The following NUSAP1 variants were observed in gnomAD, a reference collection of about 807,000 sequenced individuals.
NUSAP1 encodes nucleolar and spindle associated protein 1.
Under a neutral mutation model 52.8 loss-of-function variants are expected in NUSAP1, and 32 were observed. That is an observed-to-expected ratio of 0.61 (90% CI 0.46 to 0.81). The LOEUF is 0.81. Among genes scored for constraint, NUSAP1 ranks in the 40% least tolerant of loss-of-function variants. The probability of loss-of-function intolerance (pLI) is 0.00; values close to 1 mark genes in which losing one functional copy is unlikely to be tolerated. For missense variants in NUSAP1, 499 were observed against 522.3 expected, an observed-to-expected ratio of 0.96 and a Z score of 0.43; for synonymous variants, 195 against 183.1, an observed-to-expected ratio of 1.06 and a Z score of -0.52.
chr15:41,360,301 G>A (rs966959976), intron 6 of NUSAP1, among the ~76,000 whole-genome samples: 1 of 143,518 alleles, frequency 7.0e-6, no homozygotes. Flanking sequence ...ACCACACCCG[G>A]CTAATTTTTG....
At chr15:41,350,851 C>A (rs968410197) in intron 3 of NUSAP1, 137 bp from the exon 4 acceptor site, 30 of 705,834 alleles carry the variant, frequency 4.3e-5, no homozygotes, top group Admixed American at 1.5e-4. Flanking sequence ...GGCAGAGAAC[C>A]AAATCTGCCA....
chr15:41,375,902 C>A, intron 9 of NUSAP1, 74 bp downstream of exon 9: 3 of 1,001,410 alleles, frequency 3.0e-6, no homozygotes, highest in Non-Finnish European at 4.7e-6. Context: ...CTCACACCTA[C>A]TAAACATACA....
At chr15:41,354,691 GTTTAA>G (rs879920656) in intron 4 of NUSAP1, among the ~76,000 whole-genome samples, 6 of 137,602 alleles carry the variant, frequency 4.4e-5, no homozygotes, top group African/African-American at 1.7e-4. Context: ...ATATATATAT[GTTTAA>G]TTTATATTAA....
intron 6 of NUSAP1, among the ~76,000 whole-genome samples, chr15:41,358,703 C>T (rs2049060425): frequency 6.6e-6 from 1 of 152,154 alleles, no homozygotes; most frequent in Admixed American, 6.5e-5. Flanking sequence ...CACTGCACTC[C>T]AGCCTGGGTG....
At chr15:41,371,388 A>G in intron 7 of NUSAP1, 139 bp from the exon 8 acceptor site, 2 of 597,336 alleles carry the variant, frequency 3.3e-6, no homozygotes, top group South Asian at 6.3e-5. Context: ...CTCTTCTGCA[A>G]AAGAGGTTCG....
chr15:41,380,181 G>T lies in NUSAP1; in HGVS notation c.1321G>T (p.Asp441Tyr), dbSNP rs905229067. 4.5e-6 allele frequency: 7 copies of T among 1,564,500 alleles called. No individual in the cohort carries two copies. The African/African-American group carries it at 9.5e-5, about 21-fold the overall frequency. The part of the protein sequence containing the change: ...GMRRGLILAE[D>Y] ...GCGAAGGGGCCTCATTTTGGCTGAA[G>T]ATTAATAATTTTTTAACATCTTGTA... The change falls in exon 11 of 11, where the codon GAT becomes TAT. Residue 441 changes from aspartate to tyrosine, a missense_variant. Physicochemically the swap from Asp to Tyr is radical, Grantham distance 160. Transcript: ENST00000559596.
chr15:41,346,826 CAAAAATAAATAAATAAATAAATAAATAAA>C (rs1165859192), intron 2 of NUSAP1, among the ~76,000 whole-genome samples: 4 of 129,892 alleles, frequency 3.1e-5, no homozygotes, highest in African/African-American at 1.2e-4. Context: ...GACCCCGTCT[CAAAAATAAATAAATAAATAAATAAATAAA>C]TAAATAAATA....
intron 2 of NUSAP1, among the ~76,000 whole-genome samples, chr15:41,348,499 T>C (rs2048664088): frequency 1.3e-5 from 2 of 150,122 alleles, no homozygotes; most frequent in East Asian, 2.0e-4. Context: ...GGATTACAGG[T>C]GTGAACCACT....
chr15:41,341,063 A>C (rs1043248694), intron 1 of NUSAP1, among the ~76,000 whole-genome samples: 2 of 152,014 alleles, frequency 1.3e-5, no homozygotes, highest in African/African-American at 4.8e-5. Context: ...CCAACCAAAA[A>C]ACTTGACTTT....
intron 1 of NUSAP1, 47 bp downstream of exon 1, chr15:41,333,097 G>T: frequency 2.1e-6 from 3 of 1,451,812 alleles, no homozygotes; most frequent in Non-Finnish European, 1.9e-6. Context: ...GGCGGGAATA[G>T]CGGCCTCGGG....
intron 8 of NUSAP1, among the ~76,000 whole-genome samples, chr15:41,374,432 A>G (rs2049834874): frequency 6.6e-6 from 1 of 152,132 alleles, no homozygotes. Context: ...TTCATGACCT[A>G]TTTACCTCCC....
In NUSAP1 at chr15:41,349,157, G is replaced by A. The variant is rs1400336179; in HGVS notation, c.222G>A (p.Gln74=). 5 of 1,613,706 alleles carry A rather than the reference G, an allele frequency of 3.1e-6. No individual in the cohort carries two copies. Among genetic ancestry groups the A allele is most frequent in the African/African-American group, 1.3e-5 (1 of 74,920 alleles). ...AGACTGAGATACAGATCAGCAACCA[G>A]GAAGAAGCTGAGAGACAGCCACTTG... is the stretch of plus-strand genomic sequence containing the variant. ...CDETEIQISN[Q]EEAERQPLGH... Residue 74 remains glutamine (Q), a synonymous_variant, in exon 3 of 11, where the codon CAG becomes CAA. Coordinates refer to ENST00000559596, the MANE Select transcript of NUSAP1 (RefSeq NM_016359.5).
rs1429477506 is a variant in NUSAP1, at chr15:41,363,872, C to G, written c.661-1530C>G. Among the ~76,000 whole-genome samples the G allele has an allele frequency of 6.6e-5, 10 of 152,294 alleles. No individual in the cohort carries two copies. The East Asian group carries it at 1.5e-3, about 23-fold the overall frequency. On this transcript the variant is annotated intron_variant, in intron 6 of 10. Coordinates refer to ENST00000559596, the MANE Select transcript of NUSAP1 (RefSeq NM_016359.5). Reference sequence around the variant, plus strand: ...GACAGATACCCTAAGTGAAACCCTTCAAGCATTTATTTCCTTCCCTCTTTT... The same window carrying G: ...GACAGATACCCTAAGTGAAACCCTTGAAGCATTTATTTCCTTCCCTCTTTT...
chr15:41,372,923 A>G (rs1347806922), intron 8 of NUSAP1, among the ~76,000 whole-genome samples: 2 of 152,112 alleles, frequency 1.3e-5, no homozygotes, highest in African/African-American at 4.8e-5. Context: ...CCCCAACTCT[A>G]CTAAAAATAC....
intron 2 of NUSAP1, among the ~76,000 whole-genome samples, chr15:41,347,673 G>A (rs1457887370): frequency 6.6e-6 from 1 of 151,998 alleles, no homozygotes; most frequent in Non-Finnish European, 1.5e-5. Context: ...GATTAGCCAG[G>A]CGTGGTGGCG....
chr15:41,345,918 G>T (rs1239524154), intron 2 of NUSAP1, among the ~76,000 whole-genome samples: 1 of 152,124 alleles, frequency 6.6e-6, no homozygotes, highest in Non-Finnish European at 1.5e-5. Context: ...CTTAATGCTA[G>T]TGATCTTTGT....
At chr15:41,377,571 C>T (rs562025974) in intron 10 of NUSAP1, among the ~76,000 whole-genome samples, 211 of 151,562 alleles carry the variant, frequency 1.4e-3, no homozygotes, top group African/African-American at 4.4e-3. Flanking sequence ...TGGTGGCGGG[C>T]GCCTGTAGTT....
intron 3 of NUSAP1, among the ~76,000 whole-genome samples, chr15:41,349,766 CTTTT>C (rs1181209511): frequency 8.1e-6 from 1 of 123,546 alleles, no homozygotes. Context: ...TTTTTCTTTT[CTTTT>C]TTTTTTTTTT....
chr15:41,349,406 C>A, intron 3 of NUSAP1, 165 bp downstream of exon 3: 1 of 601,606 alleles, frequency 1.7e-6, no homozygotes, highest in Non-Finnish European at 2.9e-6. Context: ...CTCATCACTG[C>A]ATCCCAGGGC....
Sources: allele counts gnomAD v4.1 joint callset (sites outside exome capture counted in the v4.1 genomes callset), GRCh38; gene constraint gnomAD v4.1.1; transcripts MANE v1.5; gene names NCBI Gene and HGNC (gene_info 2026-07-23, HGNC 2026-07-21).